CNTNAP2: variants seen among roughly 807,000 people sequenced by gnomAD.
The protein encoded by CNTNAP2 is contactin associated protein 2, also known as contactin-associated protein-like 2.
Under a neutral mutation model 155.2 loss-of-function variants are expected in CNTNAP2, and 98 were observed. The ratio of observed to expected loss-of-function variants is 0.63; its 90% CI spans 0.54 to 0.75. CNTNAP2 has a LOEUF of 0.75. CNTNAP2 is among the 30% of genes least tolerant of loss of function. CNTNAP2 has a pLI of 0.00. For missense variants in CNTNAP2, 1,727 were observed against 1,688.1 expected (o/e 1.02, Z -0.40); for synonymous variants, 651 against 631.2 (o/e 1.03, Z -0.47).
rs139594803 is a variant in CNTNAP2, at chr7:146,233,083, T to G, written c.97+116110T>G. On this transcript the variant is annotated intron_variant, in intron 1 of 23. Transcript: ENST00000361727. ...CAATCCCAATTGATCCTGCAAACAT[T>G]TCTAGAAAAAATCCTATCAAATGAG... 2.4e-3 allele frequency among the ~76,000 whole-genome samples: 372 copies of G among 152,160 alleles called. 4 individuals are homozygous for G. The highest frequency in any genetic ancestry group is 8.6e-3 in the African/African-American group (357 of 41,466).
chr7:148,106,493 G>GAGAGAGATATATATATATATATAT (rs1554472856), intron 15 of CNTNAP2, among the ~76,000 whole-genome samples: 5 of 124,926 alleles, frequency 4.0e-5, no homozygotes, highest in African/African-American at 1.7e-4. Context: ...CACACTTTGA[G>GAGAGAGATATATATATATATATAT]ATATATATAT....
intron 1 of CNTNAP2, among the ~76,000 whole-genome samples, chr7:146,468,157 C>A (rs1315646087): frequency 6.6e-6 from 1 of 152,020 alleles, no homozygotes; most frequent in Non-Finnish European, 1.5e-5. Context: ...TTATCTCAAT[C>A]TGGAGAAAGT....
intron 1 of CNTNAP2, among the ~76,000 whole-genome samples, chr7:146,683,859 T>C (rs1343766024): frequency 5.9e-5 from 9 of 152,230 alleles, no homozygotes; most frequent in Admixed American, 1.3e-4. Context: ...TGTACAAATA[T>C]TGCCCTGTGG....
chr7:146,684,296 C>T (rs1800555864), intron 1 of CNTNAP2, among the ~76,000 whole-genome samples: 1 of 152,098 alleles, frequency 6.6e-6, no homozygotes, highest in Admixed American at 6.6e-5. Context: ...GCAAAGGCAA[C>T]TTTAAGAACT....
At chr7:146,907,977 C>T (rs1486075304) in intron 3 of CNTNAP2, among the ~76,000 whole-genome samples, 1 of 151,954 alleles carries the variant, frequency 6.6e-6, no homozygotes, top group African/African-American at 2.4e-5. Flanking sequence ...AAATAGAAAA[C>T]TAAAAAAGGC....
chr7:147,729,258 G>A (rs904767301), intron 13 of CNTNAP2, among the ~76,000 whole-genome samples: 2 of 151,804 alleles, frequency 1.3e-5, no homozygotes, highest in African/African-American at 4.8e-5. Flanking sequence ...ATTAAAGGAA[G>A]TAATTTAGCC....
chr7:147,592,605 A>T (rs183285135), intron 12 of CNTNAP2, among the ~76,000 whole-genome samples: 69 of 152,212 alleles, frequency 4.5e-4, no homozygotes, highest in Non-Finnish European at 3.4e-4. Context: ...CAAATTTACT[A>T]CCCTTTTCTC....
At chr7:147,210,282 G>T (rs1803119551) in intron 8 of CNTNAP2, among the ~76,000 whole-genome samples, 1 of 151,862 alleles carries the variant, frequency 6.6e-6, no homozygotes, top group Admixed American at 6.6e-5. Context: ...ATTTGATATT[G>T]GTTTGTTAAG....
chr7:146,781,752 C>T (rs1802495073), intron 2 of CNTNAP2, among the ~76,000 whole-genome samples: 1 of 152,140 alleles, frequency 6.6e-6, no homozygotes, highest in African/African-American at 2.4e-5. Context: ...ATTTATAAAA[C>T]ACCTTCTTTC....
intron 1 of CNTNAP2, among the ~76,000 whole-genome samples, chr7:146,680,037 C>A (rs1294541493): frequency 6.6e-6 from 1 of 152,042 alleles, no homozygotes; most frequent in Non-Finnish European, 1.5e-5. Context: ...TGTTATGTGT[C>A]AGAAACCATC....
intron 9 of CNTNAP2, among the ~76,000 whole-genome samples, chr7:147,308,810 G>A (rs1371043199): frequency 6.6e-6 from 1 of 152,066 alleles, no homozygotes; most frequent in East Asian, 1.9e-4. Flanking sequence ...AGTCAGTTCC[G>A]AAATTCCTCA....
chr7:146,358,712 G>T (rs1297970209), intron 1 of CNTNAP2, among the ~76,000 whole-genome samples: 2 of 152,104 alleles, frequency 1.3e-5, no homozygotes, highest in Admixed American at 1.3e-4. Flanking sequence ...AATTTCAAAA[G>T]AATCCAACAA....
chr7:146,869,770 G>A (rs1025345130), intron 3 of CNTNAP2, among the ~76,000 whole-genome samples: 1 of 152,088 alleles, frequency 6.6e-6, no homozygotes, highest in Non-Finnish European at 1.5e-5. Flanking sequence ...GACTCAGCAA[G>A]TCAGCTTCTT....
At chr7:148,236,820 C>T (rs1796048096) in intron 20 of CNTNAP2, among the ~76,000 whole-genome samples, 2 of 152,198 alleles carry the variant, frequency 1.3e-5, no homozygotes. Context: ...TCTTACATGG[C>T]AGGAGCAGGA....
At chr7:146,711,201 T>C (rs1251771515) in intron 1 of CNTNAP2, among the ~76,000 whole-genome samples, 1 of 148,840 alleles carries the variant, frequency 6.7e-6, no homozygotes, top group Non-Finnish European at 1.5e-5. Context: ...TATGTATACA[T>C]ACACACACAT....
chr7:147,182,081 G>A (rs995500039), intron 8 of CNTNAP2, among the ~76,000 whole-genome samples: 3 of 142,734 alleles, frequency 2.1e-5, no homozygotes, highest in East Asian at 2.1e-4. Flanking sequence ...GCCTGAGATC[G>A]TGCCACTGCA....
At chr7:147,110,936 T>G (rs767261861) in intron 5 of CNTNAP2, among the ~76,000 whole-genome samples, 1 of 152,204 alleles carries the variant, frequency 6.6e-6, no homozygotes, top group Non-Finnish European at 1.5e-5. Context: ...CTCTAGGTCT[T>G]TGAGGAATCT....
intron 3 of CNTNAP2, among the ~76,000 whole-genome samples, chr7:146,871,818 C>T (rs1245444544): frequency 6.6e-6 from 1 of 151,848 alleles, no homozygotes; most frequent in Non-Finnish European, 1.5e-5. Flanking sequence ...AGAAACTATG[C>T]AAATCTCAGA....
At chr7:147,635,263 G>A (rs1317726856) in intron 12 of CNTNAP2, among the ~76,000 whole-genome samples, 1 of 150,016 alleles carries the variant, frequency 6.7e-6, no homozygotes, top group Non-Finnish European at 1.5e-5. Flanking sequence ...AAGAATATAA[G>A]CTCCAAAACT....
Sources: allele counts gnomAD v4.1 joint callset (sites outside exome capture counted in the v4.1 genomes callset), GRCh38; gene constraint gnomAD v4.1.1; transcripts MANE v1.5; gene names NCBI Gene and HGNC (gene_info 2026-07-23, HGNC 2026-07-21).